The following MICU3 variants were observed in gnomAD, a reference collection of about 807,000 sequenced individuals.
MICU3 encodes the protein mitochondrial calcium uptake 3, also known as calcium uptake protein 3, mitochondrial.
Under a neutral mutation model 66.5 loss-of-function variants are expected in MICU3, and 62 were observed. The ratio of observed to expected loss-of-function variants is 0.93; its 90% CI spans 0.76 to 1.15. MICU3 has a LOEUF of 1.15. Ranked by LOEUF, MICU3 falls within the 50% of genes most tolerant of loss-of-function variation. MICU3 has a pLI of 0.00. For synonymous variants in MICU3, 308 were observed against 240.7 expected, an observed-to-expected ratio of 1.28 and a Z score of -2.59; for missense variants, 779 against 664.4, an observed-to-expected ratio of 1.17 and a Z score of -1.90.
chr8:17,067,405 A>T (rs1303246824), intron 2 of MICU3, among the ~76,000 whole-genome samples: 1 of 151,706 alleles, frequency 6.6e-6, no homozygotes, highest in African/African-American at 2.4e-5. Flanking sequence ...TGTCATCATC[A>T]TCGTCATCAG....
intron 1 of MICU3, among the ~76,000 whole-genome samples, chr8:17,046,838 A>G (rs554952747): frequency 1.3e-5 from 2 of 152,252 alleles, no homozygotes; most frequent in South Asian, 4.1e-4. Context: ...CTCTTCTGAG[A>G]ATGTATACAC....
At chr8:17,094,047 T>A (rs1800386137) in intron 8 of MICU3, among the ~76,000 whole-genome samples, 1 of 148,800 alleles carries the variant, frequency 6.7e-6, no homozygotes, top group African/African-American at 2.6e-5. Context: ...CAATCATGAC[T>A]TTTATGTAAA....
chr8:17,086,896 C>G, intron 6 of MICU3, 68 bp from the exon 7 acceptor site: 1 of 994,274 alleles, frequency 1.0e-6, no homozygotes, highest in South Asian at 1.3e-5. Context: ...TATACCTAGT[C>G]CAGAATAGTA....
At chr8:17,048,521 C>A (rs1027252402) in intron 1 of MICU3, among the ~76,000 whole-genome samples, 1 of 152,194 alleles carries the variant, frequency 6.6e-6, no homozygotes, top group South Asian at 2.1e-4. Context: ...TCAGTTACCT[C>A]CCCTTGGGTC....
chr8:17,049,174 C>G (rs1001399763), intron 1 of MICU3, among the ~76,000 whole-genome samples: 8 of 152,030 alleles, frequency 5.3e-5, no homozygotes, highest in Non-Finnish European at 1.2e-4. Flanking sequence ...AATTTTAACC[C>G]ATTTATGCCT....
intron 10 of MICU3, among the ~76,000 whole-genome samples, chr8:17,104,936 A>C (rs1163993996): frequency 3.1e-5 from 1 of 32,776 alleles, no homozygotes; most frequent in East Asian, 6.7e-4. Flanking sequence ...CGGAGCTTGC[A>C]GTGAGCCGAG....
chr8:17,064,381 G>GTGTTACAGACTC, intron 2 of MICU3, 144 bp downstream of exon 2: 1 of 530,650 alleles, frequency 1.9e-6, no homozygotes, highest in East Asian at 3.3e-5. Context: ...GTTACAGACT[G>GTGTTACAGACTC]ATATTTCTTA....
At chr8:17,118,915 T>C in intron 14 of MICU3, 140 bp downstream of exon 14, 1 of 511,616 alleles carries the variant, frequency 2.0e-6, no homozygotes, top group Non-Finnish European at 3.3e-6. Context: ...TTAGAGTATC[T>C]TGATTGAAAA....
chr8:17,089,804 A>G (rs1799857086), intron 7 of MICU3, among the ~76,000 whole-genome samples: 2 of 152,112 alleles, frequency 1.3e-5, no homozygotes, highest in Admixed American at 6.6e-5. Context: ...TAAACACTCA[A>G]AAAGGTTAGC....
chr8:17,067,081 T>C (rs1480414648), intron 2 of MICU3, among the ~76,000 whole-genome samples: 1 of 150,698 alleles, frequency 6.6e-6, no homozygotes, highest in African/African-American at 2.4e-5. Flanking sequence ...ACCAGCACTT[T>C]TCAAACATAA....
intron 13 of MICU3, among the ~76,000 whole-genome samples, chr8:17,117,441 A>C (rs1802788642): frequency 6.6e-6 from 1 of 152,120 alleles, no homozygotes; most frequent in Admixed American, 6.5e-5. Context: ...TTTTTCCCCC[A>C]AGAAACATGT....
chr8:17,138,460 G>A, the MICU3 span, among the ~76,000 whole-genome samples: 1 of 152,124 alleles, frequency 6.6e-6, no homozygotes, highest in Non-Finnish European at 1.5e-5. Context: ...ACAAATTAGG[G>A]AAGGAAATGA....
chr8:17,095,757 C>T (rs1362689820), intron 8 of MICU3, among the ~76,000 whole-genome samples: 1 of 151,746 alleles, frequency 6.6e-6, no homozygotes, highest in Non-Finnish European at 1.5e-5. Flanking sequence ...TTATTTCCTT[C>T]TTTCCTTCCT....
intron 5 of MICU3, among the ~76,000 whole-genome samples, chr8:17,082,398 T>C (rs1490803250): frequency 1.3e-5 from 2 of 152,088 alleles, no homozygotes; most frequent in African/African-American, 2.4e-5. Flanking sequence ...AATGTGAAAA[T>C]TTAGCAAATC....
At chr8:17,055,870 T>C (rs55861922) in intron 1 of MICU3, among the ~76,000 whole-genome samples, 55 of 152,298 alleles carry the variant, frequency 3.6e-4, no homozygotes, top group African/African-American at 1.2e-3. Context: ...AAGGGATTAA[T>C]TGGTGAAGGT....
At chr8:17,063,873 C>T (rs1818258041) in intron 1 of MICU3, among the ~76,000 whole-genome samples, 1 of 152,016 alleles carries the variant, frequency 6.6e-6, no homozygotes, top group Non-Finnish European at 1.5e-5. Context: ...TCCTTAAGCT[C>T]TTAATGATAT....
intron 1 of MICU3, among the ~76,000 whole-genome samples, chr8:17,056,721 GATTA>G (rs1816995018): frequency 1.3e-5 from 2 of 152,216 alleles, no homozygotes; most frequent in Non-Finnish European, 2.9e-5. Flanking sequence ...CAAGGGATGT[GATTA>G]ATTAGGAATC....
intron 3 of MICU3, among the ~76,000 whole-genome samples, chr8:17,071,938 A>G (rs1274329666): frequency 6.6e-6 from 1 of 152,196 alleles, no homozygotes; most frequent in Non-Finnish European, 1.5e-5. Flanking sequence ...TCATACTGGT[A>G]ATAAGCCATT....
intron 1 of MICU3, among the ~76,000 whole-genome samples, chr8:17,033,513 G>T (rs1038938353): frequency 6.6e-6 from 1 of 151,960 alleles, no homozygotes; most frequent in Non-Finnish European, 1.5e-5. Flanking sequence ...TCCACTCACT[G>T]CAAGCTCCGC....
Sources: allele counts gnomAD v4.1 joint callset (sites outside exome capture counted in the v4.1 genomes callset), GRCh38; gene constraint gnomAD v4.1.1; transcripts MANE v1.5; gene names NCBI Gene and HGNC (gene_info 2026-07-23, HGNC 2026-07-21).